Variants in FGD4 observed in about 807,000 individuals in gnomAD.
The protein encoded by FGD4 is FYVE, RhoGEF and PH domain containing 4.
A neutral mutation model predicts 102.0 loss-of-function variants in FGD4; 42 were observed. The observed-to-expected ratio is 0.41, with a 90% CI of 0.32 to 0.53. The LOEUF (loss-of-function observed/expected upper bound fraction) is 0.53. FGD4 is among the 20% of genes least tolerant of loss of function. The pLI is 0.21. For missense variants in FGD4, 902 were observed against 1,078.2 expected (o/e 0.84, Z 2.29); for synonymous variants, 380 against 375.7 (o/e 1.01, Z -0.13).
intron 15 of FGD4, among the ~76,000 whole-genome samples, chr12:32,638,236 C>T (rs1022953884): frequency 1.3e-5 from 2 of 152,190 alleles, no homozygotes; most frequent in Non-Finnish European, 2.9e-5. Context: ...ACTTGAGAGG[C>T]TGAGGCAGAG....
intron 15 of FGD4, among the ~76,000 whole-genome samples, chr12:32,634,986 CAAAAA>C (rs35144247): frequency 6.7e-6 from 1 of 148,840 alleles, no homozygotes; most frequent in Non-Finnish European, 1.5e-5. Flanking sequence ...GACTCTGTCT[CAAAAA>C]AAAAAGAATC....
chr12:32,557,451 C>A (rs181331667), intron 1 of FGD4, among the ~76,000 whole-genome samples: 19 of 152,232 alleles, frequency 1.2e-4, no homozygotes, highest in Admixed American at 1.2e-3. Context: ...TTAATAATGT[C>A]TTGGAGACCT....
At chr12:32,640,167 T>G in intron 16 of FGD4, 109 bp from the exon 17 acceptor site, 3 of 1,558,714 alleles carry the variant, frequency 1.9e-6, no homozygotes, top group Non-Finnish European at 2.6e-6. Context: ...GAACTCACCG[T>G]TTAAGTCTGT....
intron 1 of FGD4, among the ~76,000 whole-genome samples, chr12:32,495,076 T>G (rs1333073141): frequency 6.6e-6 from 1 of 152,196 alleles, no homozygotes; most frequent in South Asian, 2.1e-4. Flanking sequence ...CCCCCATTTT[T>G]AAACATGTTT....
chr12:32,554,675 T>C (rs974201130), intron 1 of FGD4, among the ~76,000 whole-genome samples: 1 of 152,236 alleles, frequency 6.6e-6, no homozygotes, highest in Non-Finnish European at 1.5e-5. Context: ...GGGGTCGGAC[T>C]AGCAATAAAA....
At chr12:32,577,894 G>T (rs1365970642) in intron 3 of FGD4, among the ~76,000 whole-genome samples, 3 of 152,190 alleles carry the variant, frequency 2.0e-5, no homozygotes, top group African/African-American at 7.2e-5. Context: ...GTCAGAGCCT[G>T]CATCCCTAGA....
At chr12:32,580,482 C>G (rs935964021) in intron 3 of FGD4, among the ~76,000 whole-genome samples, 1 of 152,126 alleles carries the variant, frequency 6.6e-6, no homozygotes, top group East Asian at 1.9e-4. Flanking sequence ...GCAACCTCAC[C>G]GAGTTTTAGT....
chr12:32,621,914 G>C (rs1030889281), intron 11 of FGD4, among the ~76,000 whole-genome samples: 1 of 150,172 alleles, frequency 6.7e-6, no homozygotes, highest in Non-Finnish European at 1.5e-5. Flanking sequence ...TGGAGACAGA[G>C]TCTCACTCTG....
chr12:32,624,995 A>G lies in FGD4; in HGVS notation c.1973A>G (p.Asp658Gly), dbSNP rs141237776. 1.1e-4 allele frequency: 176 copies of G among 1,613,314 alleles called. No homozygotes were observed. The highest frequency in any genetic ancestry group is 1.4e-4 in the Non-Finnish European group (166 of 1,179,572). Reference protein sequence around the residue: ...EWIKALQETIDAFHQRHETFR... With the variant: ...EWIKALQETIGAFHQRHETFR... Reference sequence around the variant, plus strand: ...CTTTAGGCCCTTCAAGAAACCATCGATGCTTTTCATCAAAGGCATGAAACC... The same window carrying G: ...CTTTAGGCCCTTCAAGAAACCATCGGTGCTTTTCATCAAAGGCATGAAACC... The change falls in exon 13 of 17, where the codon GAT becomes GGT. Residue 658 changes from aspartate to glycine, a missense_variant. This residue lies in a region of FGD4 where 459 missense variants were observed against 619.0 expected (regional missense o/e 0.74). Coordinates refer to ENST00000534526, the MANE Select transcript of FGD4 (RefSeq NM_001370298.3).
At position 32,641,329 on chromosome 12, in the gene FGD4, G is replaced by A. The variant is rs562623569; in HGVS notation, c.*796G>A. On this transcript the variant is annotated 3_prime_UTR_variant, in exon 17 of 17. Transcript: ENST00000534526. ...GGTATTGATATTTTTATAATAAGCG[G>A]TAATTTATGTGGCATGGGATATATT... 6.6e-6 allele frequency: 1 copy of A among 152,080 alleles called. No homozygotes were observed. The highest frequency in any genetic ancestry group is 1.5e-5 in the Non-Finnish European group (1 of 68,006). 9.4% of individuals were successfully genotyped at this position (152,080 alleles called of 1,614,324 possible). A position where few individuals can be genotyped will look rare whatever the true frequency, so the allele number is the denominator to read the frequency against.
At chr12:32,553,621 T>A (rs1442769438) in intron 1 of FGD4, among the ~76,000 whole-genome samples, 1 of 152,210 alleles carries the variant, frequency 6.6e-6, no homozygotes, top group Non-Finnish European at 1.5e-5. Flanking sequence ...ATATTGAATA[T>A]CTGTAGTTAT....
At chr12:32,618,471 T>C (rs1949575631) in intron 10 of FGD4, among the ~76,000 whole-genome samples, 1 of 151,136 alleles carries the variant, frequency 6.6e-6, no homozygotes, top group South Asian at 2.1e-4. Context: ...TTTCACGTGT[T>C]CTAATGAGAT....
At chr12:32,490,264 C>T (rs1944042146) in intron 1 of FGD4, among the ~76,000 whole-genome samples, 1 of 152,110 alleles carries the variant, frequency 6.6e-6, no homozygotes, top group Admixed American at 6.6e-5. Flanking sequence ...TTTCCAGAAT[C>T]TAAACTATCT....
intron 10 of FGD4, among the ~76,000 whole-genome samples, chr12:32,611,773 G>T (rs1484785311): frequency 1.3e-5 from 2 of 152,222 alleles, no homozygotes; most frequent in Admixed American, 6.5e-5. Flanking sequence ...TACTTGGTAT[G>T]GATGGCAGGC....
chr12:32,568,457 C>T (rs1945369400), intron 2 of FGD4, among the ~76,000 whole-genome samples: 1 of 152,210 alleles, frequency 6.6e-6, no homozygotes, highest in South Asian at 2.1e-4. Context: ...TCTTGTTCAC[C>T]GCTTTTAATA....
chr12:32,525,432 A>G (rs1180228725), intron 1 of FGD4, among the ~76,000 whole-genome samples: 2 of 152,250 alleles, frequency 1.3e-5, no homozygotes, highest in Non-Finnish European at 2.9e-5. Flanking sequence ...TACTTTATTC[A>G]TTCCACATTG....
chr12:32,424,749 T>A (rs538836147), intron 1 of FGD4, among the ~76,000 whole-genome samples: 10 of 152,332 alleles, frequency 6.6e-5, no homozygotes, highest in Non-Finnish European at 1.5e-4. Context: ...CCTGACTTTT[T>A]AATGAATGCT....
At chr12:32,458,641 C>A (rs147795548) in intron 1 of FGD4, among the ~76,000 whole-genome samples, 97 of 152,226 alleles carry the variant, frequency 6.4e-4, no homozygotes, top group African/African-American at 2.1e-3. Context: ...GCTCCATCGC[C>A]CATAACAATT....
At chr12:32,582,592 T>C in intron 4 of FGD4, 125 bp downstream of exon 4, 2 of 1,284,900 alleles carry the variant, frequency 1.6e-6, no homozygotes, top group African/African-American at 1.5e-5. Context: ...AGTTAAACGA[T>C]TTTCAAGCTC....
Sources: gnomAD v4.1 joint callset for allele counts (sites outside exome capture counted in the v4.1 genomes callset) on GRCh38, gnomAD v4.1.1 for gene constraint, gnomAD v4.1.1 regional missense constraint, MANE v1.5 for transcripts, NCBI Gene and HGNC (gene_info 2026-07-23, HGNC 2026-07-21) for gene names.